TMEM163: variants seen among roughly 807,000 people sequenced by gnomAD.
The protein encoded by TMEM163 is transmembrane protein 163.
Under a neutral mutation model 29.3 loss-of-function variants are expected in TMEM163, and 17 were observed. The observed-to-expected ratio is 0.58, with a 90% confidence interval of 0.40 to 0.87. TMEM163 has a LOEUF of 0.87. Among genes scored for constraint, TMEM163 ranks in the 40% least tolerant of loss-of-function variants. The probability of loss-of-function intolerance (pLI) is 0.00; values close to 1 mark genes in which losing one functional copy is unlikely to be tolerated. For missense variants in TMEM163, 303 were observed against 381.5 expected (o/e 0.79, Z 1.71); for synonymous variants, 157 against 160.6 (o/e 0.98, Z 0.17).
chr2:134,655,598 C>T (rs1193268999), intron 2 of TMEM163, among the ~76,000 whole-genome samples: 2 of 141,932 alleles, frequency 1.4e-5, no homozygotes, highest in Admixed American at 6.9e-5. Context: ...TGAGGAACTG[C>T]ATTCCTTTGG....
At chr2:134,533,084 T>A (rs1680450150) in intron 4 of TMEM163, among the ~76,000 whole-genome samples, 1 of 151,934 alleles carries the variant, frequency 6.6e-6, no homozygotes, top group Non-Finnish European at 1.5e-5. Flanking sequence ...CCTAAAGAAA[T>A]AAACAAAGAG....
chr2:134,642,106 T>G (rs1482285370), intron 2 of TMEM163, among the ~76,000 whole-genome samples: 1 of 151,986 alleles, frequency 6.6e-6, no homozygotes, highest in Non-Finnish European at 1.5e-5. Context: ...GGAAAAAGAT[T>G]GGTTATTAAG....
chr2:134,703,591 C>T (rs1558997929), intron 2 of TMEM163, among the ~76,000 whole-genome samples: 1 of 152,124 alleles, frequency 6.6e-6, no homozygotes, highest in Non-Finnish European at 1.5e-5. Flanking sequence ...AGTCAGTCTG[C>T]TTGTGTGGGG....
intron 4 of TMEM163, among the ~76,000 whole-genome samples, chr2:134,533,603 T>C (rs1273841683): frequency 6.6e-6 from 1 of 152,180 alleles, no homozygotes; most frequent in Non-Finnish European, 1.5e-5. Context: ...ACACAGGGCC[T>C]TCCATATTCA....
At chr2:134,504,166 C>T (rs540053) in intron 4 of TMEM163, among the ~76,000 whole-genome samples, 30,266 of 152,108 alleles carry the variant, frequency 0.2, 3,322 homozygotes, top group South Asian at 0.37. Context: ...TACTTATAAC[C>T]CAGTAAACCT....
chr2:134,650,049 T>C (rs1683432571), intron 2 of TMEM163, among the ~76,000 whole-genome samples: 1 of 149,026 alleles, frequency 6.7e-6, no homozygotes, highest in Non-Finnish European at 1.5e-5. Context: ...CTGCATATTA[T>C]GGCATGCAAA....
chr2:134,685,224 C>T (rs1028442501), intron 2 of TMEM163, among the ~76,000 whole-genome samples: 10 of 152,210 alleles, frequency 6.6e-5, no homozygotes, highest in African/African-American at 2.4e-4. Context: ...AGATGTCTGA[C>T]CCTTAAGAAT....
At chr2:134,678,250 C>T (rs972866986) in intron 2 of TMEM163, among the ~76,000 whole-genome samples, 3 of 152,188 alleles carry the variant, frequency 2.0e-5, no homozygotes, top group Non-Finnish European at 4.4e-5. Context: ...GCTTTACATC[C>T]GAGGGGTGCG....
intron 4 of TMEM163, among the ~76,000 whole-genome samples, chr2:134,521,282 C>A (rs1486676731): frequency 6.6e-6 from 1 of 152,200 alleles, no homozygotes; most frequent in East Asian, 1.9e-4. Context: ...CAGGCATGAG[C>A]CACCACGCCC....
At chr2:134,637,346 G>GTGGGTGTGCC (rs1683127759) in intron 2 of TMEM163, among the ~76,000 whole-genome samples, 1 of 152,222 alleles carries the variant, frequency 6.6e-6, no homozygotes, top group Non-Finnish European at 1.5e-5. Flanking sequence ...ATGAGTGAGT[G>GTGGGTGTGCC]TGGGTGTGCC....
rs918329944 is a variant in TMEM163 at position 134,458,458 on chromosome 2, G to A, written c.668-285C>T. On this transcript the variant is annotated intron_variant, in intron 6 of 7. Coordinates refer to ENST00000281924, the MANE Select transcript of TMEM163 (RefSeq NM_030923.5). ...TTTATAGCTGGTCTCGCCCGTGCCC[G>A]CTAGAACGCAAACCTCCTAGAGGCA... 37 of 386,868 alleles carry A rather than the reference G, an allele frequency of 9.6e-5. No individual in the cohort carries two copies. The East Asian group carries it at 1.5e-3, about 15-fold the overall frequency. 24.0% of individuals were successfully genotyped at this position (386,868 alleles called of 1,614,324 possible).
At position 134,539,687 on chromosome 2, in the gene TMEM163, G is replaced by A. The variant is rs931502747; in HGVS notation, c.458+10883C>T. ...GGTATTGATTTGTAGTCAATGGCAG[G>A]ACCTATGCAAAATCAAATAGAATTT... is the stretch of plus-strand genomic sequence containing the variant. On this transcript the variant is annotated intron_variant, in intron 4 of 7. Coordinates refer to ENST00000281924, the MANE Select transcript of TMEM163 (RefSeq NM_030923.5). 3.9e-5 allele frequency among the ~76,000 whole-genome samples: 6 copies of A among 152,288 alleles called. No homozygotes were observed. In the East Asian group the frequency reaches 9.6e-4, roughly 24 times the overall value.
intron 2 of TMEM163, among the ~76,000 whole-genome samples, chr2:134,702,698 C>A (rs899597337): frequency 6.6e-6 from 1 of 151,626 alleles, no homozygotes; most frequent in East Asian, 1.9e-4. Flanking sequence ...CAAAAAAGAT[C>A]CACAAAACAA....
At chr2:134,507,184 A>G (rs1679843848) in intron 4 of TMEM163, among the ~76,000 whole-genome samples, 1 of 152,004 alleles carries the variant, frequency 6.6e-6, no homozygotes. Flanking sequence ...TAAAAATACA[A>G]AATTAGCTGG....
At chr2:134,572,514 C>T (rs1183878317) in intron 2 of TMEM163, among the ~76,000 whole-genome samples, 2 of 152,216 alleles carry the variant, frequency 1.3e-5, no homozygotes, top group African/African-American at 4.8e-5. Flanking sequence ...CATACATCTT[C>T]ATTTAAAGCT....
chr2:134,689,676 C>T (rs1233486891), intron 2 of TMEM163, among the ~76,000 whole-genome samples: 1 of 152,126 alleles, frequency 6.6e-6, no homozygotes, highest in Non-Finnish European at 1.5e-5. Context: ...TCATCTCTCC[C>T]TAGTGCACAT....
At position 134,692,352 on chromosome 2, in the gene TMEM163, C is replaced by T. The variant is rs114758827; in HGVS notation, c.322+20848G>A. On this transcript the variant is annotated intron_variant, in intron 2 of 7. Transcript: ENST00000281924. ...TTACAACAGCCAGAGAAAATGAATA[C>T]ATTCCCTTCAACTTTTCTGACCTCT... Among the ~76,000 whole-genome samples, 1,254 of 152,304 alleles carry T rather than the reference C, an allele frequency of 8.2e-3. 23 individuals carry two copies. The highest frequency in any genetic ancestry group is 0.029 in the African/African-American group (1,198 of 41,546).
chr2:134,645,872 G>A (rs903583688), intron 2 of TMEM163, among the ~76,000 whole-genome samples: 16 of 152,156 alleles, frequency 1.1e-4, no homozygotes. Flanking sequence ...TTCTGATTAT[G>A]GTGGTAGTTA....
chr2:134,594,982 C>A (rs1682035879), intron 2 of TMEM163, among the ~76,000 whole-genome samples: 1 of 151,156 alleles, frequency 6.6e-6, no homozygotes, highest in African/African-American at 2.4e-5. Flanking sequence ...TGAAAAACAA[C>A]AACAAAAAAA....
Sources: gnomAD v4.1 joint callset for allele counts (sites outside exome capture counted in the v4.1 genomes callset) on GRCh38, gnomAD v4.1.1 for gene constraint, MANE v1.5 for transcripts, NCBI Gene and HGNC (gene_info 2026-07-23, HGNC 2026-07-21) for gene names.